NR1H4: variants seen among roughly 807,000 people sequenced by gnomAD.
The protein encoded by NR1H4 is bile acid receptor.
A neutral mutation model predicts 58.5 loss-of-function variants in NR1H4; 23 were observed. That is an observed-to-expected ratio of 0.39 (90% CI 0.28 to 0.56). NR1H4 has a LOEUF of 0.56. Ranked by LOEUF, NR1H4 falls within the 20% of genes least tolerant of loss-of-function variation. NR1H4 has a pLI of 0.58. For synonymous variants in NR1H4, 214 were observed against 198.0 expected (o/e 1.08, Z -0.68); for missense variants, 487 against 576.9 (o/e 0.84, Z 1.60).
rs1953877936 is a variant in NR1H4, at chr12:100,503,313, C to T, written c.80-7465C>T. On this transcript the variant is annotated intron_variant, in intron 3 of 10. Coordinates refer to ENST00000392986, the MANE Select transcript of NR1H4 (RefSeq NM_001206979.2). ...TATTCTGCTCCGTAATGAAGTTAATCAGTAAACCACACAACCTCTGTCCTC... is the reference window on the plus strand; with the variant it reads ...TATTCTGCTCCGTAATGAAGTTAATTAGTAAACCACACAACCTCTGTCCTC... The T allele has an allele frequency of 7.2e-6, 11 of 1,520,306 alleles. No homozygotes were observed. The South Asian group carries it at 1.4e-4, about 19-fold the overall frequency. The allele number at this position is 1,520,306 out of a possible 1,614,324, so 94.2% of individuals were successfully genotyped here.
At chr12:100,489,194 T>A (rs996283655) in intron 1 of NR1H4, among the ~76,000 whole-genome samples, 2 of 152,218 alleles carry the variant, frequency 1.3e-5, no homozygotes, top group African/African-American at 4.8e-5. Context: ...CTGACTATTA[T>A]GAGATGTATT....
chr12:100,562,607 TTTAC>T (rs1955501433), intron 10 of NR1H4, among the ~76,000 whole-genome samples: 1 of 152,230 alleles, frequency 6.6e-6, no homozygotes, highest in Non-Finnish European at 1.5e-5. Flanking sequence ...TATACAATCA[TTTAC>T]TTAATCTTTA....
intron 1 of NR1H4, among the ~76,000 whole-genome samples, chr12:100,489,032 T>C (rs1953552673): frequency 6.6e-6 from 1 of 152,154 alleles, no homozygotes; most frequent in Admixed American, 6.5e-5. Context: ...GTTCTTCTTT[T>C]GCAGTTCCTT....
At chr12:100,543,283 T>A (rs1311007674) in intron 9 of NR1H4, among the ~76,000 whole-genome samples, 1 of 152,150 alleles carries the variant, frequency 6.6e-6, no homozygotes, top group Non-Finnish European at 1.5e-5. Flanking sequence ...GATGCTGGGC[T>A]AATGATTTTG....
chr12:100,503,562 CTT>C (rs1953887514), intron 3 of NR1H4: 2 of 1,443,096 alleles, frequency 1.4e-6, no homozygotes, highest in African/African-American at 2.8e-5. Context: ...AATCTGGGGA[CTT>C]TGGTTGGAGA....
intron 1 of NR1H4, among the ~76,000 whole-genome samples, chr12:100,479,199 C>G (rs1057496133): frequency 6.6e-6 from 1 of 151,878 alleles, no homozygotes; most frequent in Non-Finnish European, 1.5e-5. Context: ...TTTGTGATGC[C>G]TTAACCTCTG....
chr12:100,548,119 GC>G (rs919184126), intron 9 of NR1H4, among the ~76,000 whole-genome samples: 8 of 150,064 alleles, frequency 5.3e-5, no homozygotes, highest in African/African-American at 2.0e-4. Flanking sequence ...TGTAATCCCA[GC>G]CCTTTGGGAG....
chr12:100,496,863 T>C (rs1327447357), intron 3 of NR1H4, among the ~76,000 whole-genome samples: 1 of 152,172 alleles, frequency 6.6e-6, no homozygotes, highest in Non-Finnish European at 1.5e-5. Flanking sequence ...ACCTTTTCAG[T>C]GATAACTTGC....
intron 1 of NR1H4, among the ~76,000 whole-genome samples, chr12:100,485,319 A>G (rs1027780874): frequency 2.0e-5 from 3 of 152,180 alleles, no homozygotes; most frequent in Non-Finnish European, 4.4e-5. Flanking sequence ...CAAGTAAACA[A>G]AAGGGCAAAT....
At chr12:100,531,057 G>C (rs1954679637) in intron 4 of NR1H4, among the ~76,000 whole-genome samples, 1 of 152,218 alleles carries the variant, frequency 6.6e-6, no homozygotes, top group African/African-American at 2.4e-5. Context: ...GAACCACATA[G>C]AGTGACCTCA....
chr12:100,521,269 G>A (rs1954410573), intron 4 of NR1H4, among the ~76,000 whole-genome samples: 2 of 152,130 alleles, frequency 1.3e-5, no homozygotes, highest in African/African-American at 4.8e-5. Flanking sequence ...GCATCAATGA[G>A]AGAAATGATG....
At chr12:100,511,573 T>C (rs922926368) in intron 4 of NR1H4, among the ~76,000 whole-genome samples, 13 of 152,124 alleles carry the variant, frequency 8.5e-5, no homozygotes, top group African/African-American at 2.4e-4. Context: ...TCATGTACTT[T>C]AGTTAATTGA....
chr12:100,518,788 C>CTTTTTTTTTT (rs34055370), intron 4 of NR1H4, among the ~76,000 whole-genome samples: 1 of 119,274 alleles, frequency 8.4e-6, no homozygotes, highest in Non-Finnish European at 1.7e-5. Flanking sequence ...TGACCAATGA[C>CTTTTTTTTTT]TTTTTTTTTT....
At chr12:100,500,565 G>A (rs970546363) in intron 3 of NR1H4, among the ~76,000 whole-genome samples, 1 of 152,146 alleles carries the variant, frequency 6.6e-6, no homozygotes, top group Non-Finnish European at 1.5e-5. Context: ...AGCCTGATAT[G>A]GTTGGGCTCT....
intron 4 of NR1H4, among the ~76,000 whole-genome samples, chr12:100,516,088 C>T (rs1341585672): frequency 6.6e-6 from 1 of 152,180 alleles, no homozygotes; most frequent in Non-Finnish European, 1.5e-5. Flanking sequence ...TCTGGCCAAG[C>T]ATCTTGGTTT....
At chr12:100,555,594 TATA>T (rs1380784481) in intron 9 of NR1H4, among the ~76,000 whole-genome samples, 3 of 152,222 alleles carry the variant, frequency 2.0e-5, no homozygotes, top group Non-Finnish European at 4.4e-5. Flanking sequence ...TAGCTACTAT[TATA>T]ATTATCTACT....
At chr12:100,557,271 G>A (rs557737302) in intron 9 of NR1H4, among the ~76,000 whole-genome samples, 2 of 36,158 alleles carry the variant, frequency 5.5e-5, no homozygotes, top group South Asian at 9.6e-4. Context: ...CATGTCACAT[G>A]GTGAGACAGG....
At chr12:100,496,202 A>G (rs1336314152) in intron 3 of NR1H4, among the ~76,000 whole-genome samples, 2 of 151,252 alleles carry the variant, frequency 1.3e-5, no homozygotes, top group South Asian at 2.1e-4. Context: ...CAAACTCACA[A>G]TAAACTTGTA....
intron 3 of NR1H4, among the ~76,000 whole-genome samples, chr12:100,502,956 C>T (rs573091786): frequency 1.4e-4 from 21 of 152,262 alleles, no homozygotes; most frequent in African/African-American, 3.1e-4. Context: ...TCCCACAACA[C>T]GTGGGGATTA....
Sources: gnomAD v4.1 joint callset for allele counts (sites outside exome capture counted in the v4.1 genomes callset) on GRCh38, gnomAD v4.1.1 for gene constraint, MANE v1.5 for transcripts, NCBI Gene and HGNC (gene_info 2026-07-23, HGNC 2026-07-21) for gene names.